The following TLN2 variants were observed in gnomAD, a reference collection of about 807,000 sequenced individuals.
TLN2 encodes talin-2.
In TLN2, 118 loss-of-function variants were observed where a neutral mutation model predicts 294.7. The ratio of observed to expected loss-of-function variants is 0.40; its 90% CI spans 0.34 to 0.47. TLN2 has a LOEUF of 0.47. Among genes scored for constraint, TLN2 ranks in the 20% least tolerant of loss-of-function variants. The probability of loss-of-function intolerance (pLI) is 0.84; values close to 1 mark genes in which losing one functional copy is unlikely to be tolerated. For missense variants in TLN2, 3,083 were observed against 3,282.2 expected, an observed-to-expected ratio of 0.94 and a Z score of 1.48; for synonymous variants, 1,431 against 1,304.5, an observed-to-expected ratio of 1.10 and a Z score of -2.09.
At chr15:62,689,865 T>A (rs1324019705) in intron 12 of TLN2, among the ~76,000 whole-genome samples, 1 of 83,140 alleles carries the variant, frequency 1.2e-5, no homozygotes, top group Non-Finnish European at 2.7e-5. Flanking sequence ...TTTTTTTTTT[T>A]TTTTTTTTTT....
Position 62,640,476 on chromosome 15 carries a change from C to G in TLN2, c.-36-6799C>G, listed in dbSNP as rs934587339. On this transcript the variant is annotated intron_variant, in intron 3 of 58. Transcript: ENST00000636159. ...TGGTCTTGCCAGGTGGGCACAAACC[C>G]CTGCTTTACACAGGAGTGTGCAGAG... 5.1e-5 allele frequency: 21 copies of G among 410,910 alleles called. No homozygotes were observed. In the Admixed American group the frequency reaches 5.6e-4, roughly 11 times the overall value. 25.5% of individuals were successfully genotyped at this position (410,910 alleles called of 1,614,324 possible). A position where few individuals can be genotyped will look rare whatever the true frequency, so the allele number is the denominator to read the frequency against.
chr15:62,628,761 A>G (rs1259148214), intron 3 of TLN2, among the ~76,000 whole-genome samples: 1 of 152,248 alleles, frequency 6.6e-6, no homozygotes, highest in East Asian at 1.9e-4. Flanking sequence ...ACAAAATGAT[A>G]CTGCCCTGTA....
At chr15:62,488,672 T>G (rs1413375392) in intron 1 of TLN2, among the ~76,000 whole-genome samples, 1 of 152,226 alleles carries the variant, frequency 6.6e-6, no homozygotes, top group East Asian at 1.9e-4. Flanking sequence ...AAAGCCTTTA[T>G]AATGTAATAT....
At position 62,620,837 on chromosome 15, in the gene TLN2, CTTTTTTTTT is replaced by C. The variant is rs71129016; in HGVS notation, c.-37+2375_-37+2383del. ...GCTTCTTTTTTTTTTCTTTCTTTTT[CTTTTTTTTT>C]TTTTTTTTTTTTCTGAGACGGAGTC... On this transcript the variant is annotated intron_variant, in intron 3 of 58. Transcript: ENST00000636159. Among the ~76,000 whole-genome samples the C allele has an allele frequency of 2.5e-3, 166 of 66,422 alleles. 1 individual carries two copies. The highest frequency in any genetic ancestry group is 0.011 in the Middle Eastern group (1 of 88). The allele number at this position is 66,422 out of a possible 152,430, so 43.6% of individuals were successfully genotyped here.
At chr15:62,560,752 G>A (rs1435509834) in intron 1 of TLN2, among the ~76,000 whole-genome samples, 1 of 152,188 alleles carries the variant, frequency 6.6e-6, no homozygotes, top group Admixed American at 6.5e-5. Flanking sequence ...GCCCTTCTTT[G>A]CAGGGTGGAC....
intron 1 of TLN2, among the ~76,000 whole-genome samples, chr15:62,566,609 G>C (rs2043416287): frequency 6.6e-6 from 1 of 150,600 alleles, no homozygotes; most frequent in South Asian, 2.1e-4. Context: ...GCATTGAGTA[G>C]CCACAGAAAC....
intron 1 of TLN2, among the ~76,000 whole-genome samples, chr15:62,548,037 A>G (rs74409699): frequency 0.03 from 4,516 of 152,290 alleles, 222 homozygotes; most frequent in African/African-American, 0.1. Flanking sequence ...AAACATATGG[A>G]GCTTCATTCC....
rs569616189 is a variant in TLN2, at chr15:62,816,646, C to T, written c.6772-2870C>T. On this transcript the variant is annotated intron_variant, in intron 52 of 58. Transcript: ENST00000636159. Reference sequence around the variant, plus strand: ...ATGTTGGTAGAAGTATGTGAACAAACATCCTTCCCTTGTCTTGAGCTTAGG... The same window carrying T: ...ATGTTGGTAGAAGTATGTGAACAAATATCCTTCCCTTGTCTTGAGCTTAGG... Among the ~76,000 whole-genome samples the T allele has an allele frequency of 8.7e-4, 133 of 152,208 alleles. 1 individual carries two copies. The highest frequency in any genetic ancestry group is 1.6e-3 in the Non-Finnish European group (112 of 68,026).
rs767539628 is a variant in TLN2, at chr15:62,805,601, T to A, written c.6479T>A (p.Val2160Glu). Residue 2160 changes from valine to glutamate, a missense_variant and splice_region_variant, in exon 51 of 59, where the codon GTG becomes GAG. By Grantham distance (121) the Val-to-Glu change is moderately radical. Coordinates refer to ENST00000636159, the MANE Select transcript of TLN2 (RefSeq NM_015059.3). ...AACCTCTCTGTTTCTGACTTCCAGGTGTTCCAGTCAAAAGACGTACCTGAA... is the reference window on the plus strand; with the variant it reads ...AACCTCTCTGTTTCTGACTTCCAGGAGTTCCAGTCAAAAGACGTACCTGAA... The part of the protein sequence containing the change: ...TIECIKQELT[V>E]FQSKDVPEKT... The A allele has an allele frequency of 6.3e-7, 1 of 1,591,600 alleles. No individual in the cohort carries two copies. The highest frequency in any genetic ancestry group is 8.6e-7 in the Non-Finnish European group (1 of 1,164,838).
At chr15:62,749,600 T>C (rs2061807338) in intron 33 of TLN2, among the ~76,000 whole-genome samples, 1 of 152,198 alleles carries the variant, frequency 6.6e-6, no homozygotes. Flanking sequence ...CAGTTCCCCT[T>C]CCTTCTCTCC....
chr15:62,594,084 G>A (rs188879960), intron 2 of TLN2, among the ~76,000 whole-genome samples: 3 of 152,318 alleles, frequency 2.0e-5, no homozygotes, highest in African/African-American at 7.2e-5. Flanking sequence ...CTCAAAATAT[G>A]CTACAAAGTG....
intron 1 of TLN2, among the ~76,000 whole-genome samples, chr15:62,510,020 G>A (rs548458036): frequency 2.5e-4 from 38 of 152,318 alleles, no homozygotes; most frequent in African/African-American, 9.1e-4. Context: ...AATGTTTTTA[G>A]CGAATAGGGA....
intron 1 of TLN2, among the ~76,000 whole-genome samples, chr15:62,580,876 AT>A (rs776576959): frequency 0.012 from 1,470 of 126,286 alleles, 7 homozygotes; most frequent in African/African-American, 0.022. Context: ...GCAACCACTG[AT>A]TTTTTTTTTT....
At chr15:62,713,058 AGGAGTTC>A (rs201377959) in intron 22 of TLN2, among the ~76,000 whole-genome samples, 3,739 of 152,132 alleles carry the variant, frequency 0.025, 74 homozygotes, top group Middle Eastern at 0.054. Flanking sequence ...ACCTGAGGTC[AGGAGTTC>A]GAGACCAACC....
In TLN2 at chr15:62,538,138, T is replaced by G. The variant is rs2041468382; in HGVS notation, c.-237-51549T>G. Among the ~76,000 whole-genome samples the G allele has an allele frequency of 3.3e-5, 5 of 152,140 alleles. No homozygotes were observed. The South Asian group carries it at 1.0e-3, about 32-fold the overall frequency. On this transcript the variant is annotated intron_variant, in intron 1 of 58. Transcript: ENST00000636159. Reference sequence around the variant, plus strand: ...TCAGAGGCTGAGGTGGGAGAATTGTTTGAACCCAGGAGGCAGAGGTTGCAG... The same window carrying G: ...TCAGAGGCTGAGGTGGGAGAATTGTGTGAACCCAGGAGGCAGAGGTTGCAG...
intron 1 of TLN2, among the ~76,000 whole-genome samples, chr15:62,478,517 A>G (rs1049862153): frequency 6.6e-6 from 1 of 151,988 alleles, no homozygotes; most frequent in African/African-American, 2.4e-5. Context: ...GGGTGTGTTC[A>G]TTTTGGAGGC....
At position 62,719,776 on chromosome 15, in the gene TLN2, G is replaced by C. The variant is rs1217558266; in HGVS notation, c.2887G>C (p.Asp963His). Residue 963 changes from aspartate (D) to histidine (H), a missense_variant, in exon 25 of 59, where the codon GAT becomes CAT. Coordinates refer to ENST00000636159, the MANE Select transcript of TLN2 (RefSeq NM_015059.3). ...QLVQSCKAVADHIPQLVQGVR... is the reference protein window; with the variant it reads ...QLVQSCKAVAHHIPQLVQGVR... ...TCCTTGCCTTCTGCAGGCAGTGGCT[G>C]ATCACATCCCTCAGCTGGTCCAGGG... 2 of 1,605,296 alleles carry C rather than the reference G, an allele frequency of 1.2e-6. No individual in the cohort carries two copies.
At chr15:62,457,687 A>G (rs1262819513) in intron 1 of TLN2, among the ~76,000 whole-genome samples, 1 of 152,192 alleles carries the variant, frequency 6.6e-6, no homozygotes, top group Non-Finnish European at 1.5e-5. Flanking sequence ...AGCCACGGCC[A>G]GCAGAGGGAC....
chr15:62,531,925 A>G (rs1268826487), intron 1 of TLN2, among the ~76,000 whole-genome samples: 1 of 152,066 alleles, frequency 6.6e-6, no homozygotes, highest in African/African-American at 2.4e-5. Flanking sequence ...TTTGGGAATC[A>G]TTGTCTTGTT....
Sources: gnomAD v4.1 joint callset for allele counts (sites outside exome capture counted in the v4.1 genomes callset) on GRCh38, gnomAD v4.1.1 for gene constraint, MANE v1.5 for transcripts, NCBI Gene and HGNC (gene_info 2026-07-23, HGNC 2026-07-21) for gene names.